MKRN2: variants seen among roughly 807,000 people sequenced by gnomAD.
MKRN2 encodes makorin ring finger protein 2.
In MKRN2, 32 loss-of-function variants were observed where a neutral mutation model predicts 45.4. That is an observed-to-expected ratio of 0.70 (90% CI 0.53 to 0.95). MKRN2 has a LOEUF of 0.95. Ranked by LOEUF, MKRN2 falls within the 40% of genes least tolerant of loss-of-function variation. The pLI is 0.00. For synonymous variants in MKRN2, 206 were observed against 192.4 expected (o/e 1.07, Z -0.59); for missense variants, 526 against 536.7 (o/e 0.98, Z 0.20).
intron 6 of MKRN2, among the ~76,000 whole-genome samples, chr3:12,577,436 A>G (rs1575522808): frequency 6.6e-6 from 1 of 151,782 alleles, no homozygotes; most frequent in African/African-American, 2.4e-5. Flanking sequence ...TATATTGTTC[A>G]TAGATCTCTG....
In MKRN2 at chr3:12,581,684, C is replaced by G. The variant is rs1031411721; in HGVS notation, c.969-124C>G. On this transcript the variant is annotated intron_variant, in intron 6 of 7. Transcript: ENST00000170447. ...TCAACCTCTCCCAGCCTCAGCTGCCCCACCTAGAATGTGAGGCTGACCTAC... is the reference window on the plus strand; with the variant it reads ...TCAACCTCTCCCAGCCTCAGCTGCCGCACCTAGAATGTGAGGCTGACCTAC... The G allele has an allele frequency of 2.9e-6, 3 of 1,025,268 alleles. No individual in the cohort carries two copies. The African/African-American group carries it at 4.8e-5, about 16-fold the overall frequency. The allele number at this position is 1,025,268 out of a possible 1,614,324, so 63.5% of individuals were successfully genotyped here. A position where few individuals can be genotyped will look rare whatever the true frequency, so the allele number is the denominator to read the frequency against.
intron 1 of MKRN2, among the ~76,000 whole-genome samples, chr3:12,565,632 C>T (rs1281216745): frequency 2.1e-5 from 3 of 143,408 alleles, no homozygotes; most frequent in African/African-American, 2.6e-5. Flanking sequence ...GCCTCCTGGG[C>T]TCAATCGATC....
At chr3:12,561,383 C>T (rs1344311642) in intron 1 of MKRN2, among the ~76,000 whole-genome samples, 1 of 152,188 alleles carries the variant, frequency 6.6e-6, no homozygotes, top group African/African-American at 2.4e-5. Flanking sequence ...CTAAAAAAGT[C>T]TTTCTTCTTG....
chr3:12,572,220 C>G lies in MKRN2; in HGVS notation c.489C>G (p.Ser163=). 1 of 1,614,104 alleles carries G rather than the reference C, an allele frequency of 6.2e-7. No homozygotes were observed. Among genetic ancestry groups the G allele is most frequent in the Non-Finnish European group, 8.5e-7 (1 of 1,180,014 alleles). The change falls in exon 4 of 8, where the codon TCC becomes TCG. Residue 163 remains serine, a synonymous_variant. Transcript: ENST00000170447. ...SGLDDVEASS[S]YSNEQQLCPY... is the part of the protein sequence containing the mutation. The stretch of plus-strand genomic sequence containing the variant: ...TTGATGACGTGGAGGCCAGCAGCTC[C>G]TACAGCAACGAGCAGCAGCTGTGCC...
rs768466464 is a variant in MKRN2 at position 12,582,221 on chromosome 3, C to A, written c.1219C>A (p.His407Asn). ...GACAGAGCTCGGGGACCTCTTCATG[C>A]ACCTTTCTGGAGTGGAATCATCAGA... Reference protein sequence around the residue: ...DMTELGDLFMHLSGVESSEP With the variant: ...DMTELGDLFMNLSGVESSEP Residue 407 changes from histidine (H) to asparagine (N), a missense_variant, in exon 8 of 8, where the codon CAC becomes AAC. Physicochemically the swap from His to Asn is moderately conservative, Grantham distance 68 (BLOSUM62 1). Coordinates refer to ENST00000170447, the MANE Select transcript of MKRN2 (RefSeq NM_014160.5). 1.9e-6 allele frequency: 3 copies of A among 1,614,152 alleles called. No homozygotes were observed. Among genetic ancestry groups the A allele is most frequent in the Non-Finnish European group, 2.5e-6 (3 of 1,180,028 alleles).
intron 6 of MKRN2, among the ~76,000 whole-genome samples, chr3:12,581,601 ACTTC>A (rs1166209423): frequency 6.6e-6 from 1 of 152,146 alleles, no homozygotes; most frequent in African/African-American, 2.4e-5. Context: ...AAGTGGGGAT[ACTTC>A]CTATCCTGCT....
intron 1 of MKRN2, 144 bp from the exon 2 acceptor site, chr3:12,568,731 A>G: frequency 9.3e-7 from 1 of 1,071,372 alleles, no homozygotes; most frequent in Non-Finnish European, 1.3e-6. Flanking sequence ...TCAAGGAAAT[A>G]TATAGATCTC....
In MKRN2 at chr3:12,576,455, A is replaced by G. The variant is rs568161081; in HGVS notation, c.858-176A>G. On this transcript the variant is annotated intron_variant, in intron 5 of 7. Coordinates refer to ENST00000170447, the MANE Select transcript of MKRN2 (RefSeq NM_014160.5). ...CATGTGTCCATGTGTTCTCATTGGG[A>G]AACCCTATTTTGTTAATAGTAAATA... Among the ~76,000 whole-genome samples, 18 of 152,054 alleles carry G rather than the reference A, an allele frequency of 1.2e-4. No individual in the cohort carries two copies. The South Asian group carries it at 3.7e-3, about 32-fold the overall frequency.
At chr3:12,575,802 T>C (rs140189214) in intron 5 of MKRN2, among the ~76,000 whole-genome samples, 208 of 152,330 alleles carry the variant, frequency 1.4e-3, no homozygotes, top group African/African-American at 4.9e-3. Context: ...CTGGCCCCTT[T>C]CACTGAGCAT....
At chr3:12,561,137 G>A (rs917948057) in intron 1 of MKRN2, 4 of 152,224 alleles carry the variant, frequency 2.6e-5, no homozygotes, top group African/African-American at 9.6e-5. Flanking sequence ...TGGTGGTCTA[G>A]AAATTATTTT....
chr3:12,565,841 A>G (rs138286943), intron 1 of MKRN2, among the ~76,000 whole-genome samples: 10 of 151,710 alleles, frequency 6.6e-5, no homozygotes, highest in African/African-American at 2.2e-4. Flanking sequence ...CATGCGGCCT[A>G]TGTGTGGTTC....
chr3:12,565,659 C>T (rs1163036416), intron 1 of MKRN2, among the ~76,000 whole-genome samples: 1 of 150,728 alleles, frequency 6.6e-6, no homozygotes, highest in Non-Finnish European at 1.5e-5. Context: ...CCTCATCTTC[C>T]CAAGTAGCTG....
chr3:12,577,154 G>A (rs1575522696), intron 6 of MKRN2: 1 of 153,688 alleles, frequency 6.5e-6, no homozygotes, highest in African/African-American at 2.4e-5. Context: ...GCCCAGGCTG[G>A]TCTTGAACTC....
At chr3:12,564,028 C>T (rs1004057540) in intron 1 of MKRN2, among the ~76,000 whole-genome samples, 1 of 151,550 alleles carries the variant, frequency 6.6e-6, no homozygotes, top group Non-Finnish European at 1.5e-5. Flanking sequence ...TCACTGCAAC[C>T]TCTCCCTCCC....
rs752948183 is a variant in MKRN2 at position 12,582,266 on chromosome 3, T to C, written c.*13T>C. On this transcript the variant is annotated 3_prime_UTR_variant, in exon 8 of 8. Transcript: ENST00000170447. Reference sequence around the variant, plus strand: ...ATCAGAACCCTAAAGAGTAGATGGTTGCCCTGCATCTTGGGCTCCATCGGC... The same window carrying C: ...ATCAGAACCCTAAAGAGTAGATGGTCGCCCTGCATCTTGGGCTCCATCGGC... 1.9e-6 allele frequency: 3 copies of C among 1,612,044 alleles called. No individual in the cohort carries two copies. Among genetic ancestry groups the C allele is most frequent in the Non-Finnish European group, 2.5e-6 (3 of 1,178,260 alleles).
rs149181019 is a variant in MKRN2 at position 12,568,081 on chromosome 3, G to T, written c.27-794G>T. On this transcript the variant is annotated intron_variant, in intron 1 of 7. Coordinates refer to ENST00000170447, the MANE Select transcript of MKRN2 (RefSeq NM_014160.5). ...CTTTCAGTACGGTGTTCAATAAATT[G>T]CATGAGATTATTCTACACTTTATTG... Among the ~76,000 whole-genome samples, 698 of 152,266 alleles carry T rather than the reference G, an allele frequency of 4.6e-3. 3 individuals are homozygous for T. Among genetic ancestry groups the T allele is most frequent in the African/African-American group, 0.016 (661 of 41,528 alleles).
chr3:12,561,025 C>G (rs1443764516), intron 1 of MKRN2: 1 of 152,190 alleles, frequency 6.6e-6, no homozygotes, highest in African/African-American at 2.4e-5. Flanking sequence ...GTGCTTGTCA[C>G]TGGGGAGTGG....
intron 5 of MKRN2, 78 bp downstream of exon 5, chr3:12,575,084 C>T (rs2058123303): frequency 1.5e-6 from 2 of 1,304,446 alleles, no homozygotes; most frequent in South Asian, 2.7e-5. Flanking sequence ...CACTTTTAAG[C>T]CCTCCGTTAC....
chr3:12,571,356 G>A (rs6788856), intron 3 of MKRN2, among the ~76,000 whole-genome samples: 4 of 151,970 alleles, frequency 2.6e-5, no homozygotes, highest in African/African-American at 4.8e-5. Flanking sequence ...TGATCCGCCC[G>A]CCTCGGCCTC....
Sources: gnomAD v4.1 joint callset for allele counts (sites outside exome capture counted in the v4.1 genomes callset) on GRCh38, gnomAD v4.1.1 for gene constraint, MANE v1.5 for transcripts, NCBI Gene and HGNC (gene_info 2026-07-23, HGNC 2026-07-21) for gene names.